CLDN14: variants seen among roughly 807,000 people sequenced by gnomAD.
The protein encoded by CLDN14 is claudin 14.
Under a neutral mutation model 2.1 loss-of-function variants are expected in CLDN14, and 2 were observed. That is an observed-to-expected ratio of 0.96 (90% CI 0.39 to 3.01). The LOEUF is 3.01. CLDN14 is among the 30% of genes most tolerant of loss of function. The probability of loss-of-function intolerance (pLI) is 0.09; values close to 1 mark genes in which losing one functional copy is unlikely to be tolerated. For synonymous variants in CLDN14, 136 were observed against 154.4 expected, an observed-to-expected ratio of 0.88 and a Z score of 0.88; for missense variants, 298 against 328.0, an observed-to-expected ratio of 0.91 and a Z score of 0.71.
chr21:36,516,115 G>A (rs947585802), intron 1 of CLDN14, among the ~76,000 whole-genome samples: 6 of 152,002 alleles, frequency 3.9e-5, no homozygotes, highest in Non-Finnish European at 8.8e-5. Flanking sequence ...TGCTCACCTG[G>A]GAATCAAAGT....
At chr21:36,543,279 C>T (rs1276111624) in intron 1 of CLDN14, among the ~76,000 whole-genome samples, 1 of 152,202 alleles carries the variant, frequency 6.6e-6, no homozygotes, top group East Asian at 1.9e-4. Context: ...CTACTATGTG[C>T]CAGCACTGTG....
intron 1 of CLDN14, among the ~76,000 whole-genome samples, chr21:36,473,344 C>T (rs1472598799): frequency 1.3e-5 from 2 of 152,106 alleles, no homozygotes; most frequent in Non-Finnish European, 2.9e-5. Flanking sequence ...ACCTTGGCCT[C>T]CCAAGGCTGT....
At chr21:36,485,852 CCT>C in intron 2 of CLDN14, 1 of 518,612 alleles carries the variant, frequency 1.9e-6, no homozygotes, top group Non-Finnish European at 3.4e-6. Context: ...GGTTCCATTT[CCT>C]TTTTTTTTTT....
chr21:36,461,731 C>T lies in CLDN14; in HGVS notation c.-36G>A, dbSNP rs1349768713. The T allele has an allele frequency of 3.9e-6, 6 of 1,543,078 alleles. No individual in the cohort carries two copies. The highest frequency in any genetic ancestry group is 5.2e-6 in the Non-Finnish European group (6 of 1,145,514). ...CCTGCCTAGGCCAGCCGGGCAGCTCCCTGGGCCCTCGGGGTCACGCCGCTC... is the reference window on the plus strand; with the variant it reads ...CCTGCCTAGGCCAGCCGGGCAGCTCTCTGGGCCCTCGGGGTCACGCCGCTC... On this transcript the variant is annotated 5_prime_UTR_variant, in exon 2 of 2. Coordinates refer to ENST00000399135, the MANE Select transcript of CLDN14 (RefSeq NM_001146079.2).
Position 36,551,152 on chromosome 21 carries a change from G to A in CLDN14, c.-220+25259C>T, listed in dbSNP as rs765216349. The stretch of plus-strand genomic sequence containing the variant: ...AGAAGGAACCAGCCCTTCCTACCCC[G>A]CAATTTCGGACTTCCTGTTCCCAGA... On this transcript the variant is annotated intron_variant, in intron 1 of 2. Coordinates refer to the CLDN14 transcript ENST00000342108. This position sits in a 1 kb window ranked among gnomAD's most constrained non-coding sequence, Gnocchi z 4.8. Among the ~76,000 whole-genome samples, 6 of 152,304 alleles carry A rather than the reference G, an allele frequency of 3.9e-5. No individual in the cohort carries two copies. The highest frequency in any genetic ancestry group is 7.2e-5 in the African/African-American group (3 of 41,556).
At chr21:36,486,186 T>C (rs761413190) in intron 2 of CLDN14, 1 of 1,055,336 alleles carries the variant, frequency 9.5e-7, no homozygotes, top group Non-Finnish European at 1.5e-6. Context: ...ATGGCTGAGC[T>C]GGCATCAATG....
At chr21:36,461,831 T>C (rs1165310010) in intron 1 of CLDN14, 55 bp from the exon 2 acceptor site, 1 of 1,199,412 alleles carries the variant, frequency 8.3e-7, no homozygotes, top group Non-Finnish European at 1.2e-6. Flanking sequence ...GGTTAAAGAT[T>C]ATCTCATGCA....
chr21:36,565,264 C>T (rs1263617133), intron 1 of CLDN14, among the ~76,000 whole-genome samples: 1 of 152,160 alleles, frequency 6.6e-6, no homozygotes, highest in Admixed American at 6.5e-5. Flanking sequence ...TGTCTCTCAG[C>T]CCAGCCCTTG....
chr21:36,486,760 A>C (rs1278829506), intron 2 of CLDN14: 2 of 881,116 alleles, frequency 2.3e-6, no homozygotes, highest in South Asian at 1.4e-5. Context: ...TGGGCTTCCC[A>C]CGAAGGCAAT....
At chr21:36,546,203 C>T (rs1051938766) in intron 1 of CLDN14, among the ~76,000 whole-genome samples, 3 of 152,146 alleles carry the variant, frequency 2.0e-5, no homozygotes, top group Non-Finnish European at 4.4e-5. Context: ...GCATGTTAGT[C>T]TTATCTTATT....
chr21:36,492,520 T>C (rs1454723267), intron 2 of CLDN14, among the ~76,000 whole-genome samples: 2 of 150,926 alleles, frequency 1.3e-5, no homozygotes, highest in East Asian at 1.9e-4. Context: ...TCCCAGCTAC[T>C]TGGGAGGCTG....
intron 1 of CLDN14, among the ~76,000 whole-genome samples, chr21:36,547,410 GT>G (rs545541654): frequency 1.0e-3 from 155 of 152,226 alleles, no homozygotes; most frequent in African/African-American, 3.4e-3. Flanking sequence ...TGAAAATAAA[GT>G]TTTTATTTTA....
intron 1 of CLDN14, among the ~76,000 whole-genome samples, chr21:36,475,717 C>T (rs936516879): frequency 3.9e-5 from 6 of 152,074 alleles, no homozygotes; most frequent in Non-Finnish European, 8.8e-5. Flanking sequence ...CACCCAGCCC[C>T]GCTGGCTTCA....
Position 36,490,385 on chromosome 21 carries a change from A to ATTTTT in CLDN14, c.-82+19973_-82+19977dup, listed in dbSNP as rs71198817. ...TGTCTGCTAGTTCAATTTTTTTTTAATTTTTTTTTTTTTTTTTTTTTGTGA... is the reference window on the plus strand; with the variant it reads ...TGTCTGCTAGTTCAATTTTTTTTTAATTTTTTTTTTTTTTTTTTTTTTTTTTGTGA... On this transcript the variant is annotated intron_variant, in intron 2 of 2. Coordinates refer to the CLDN14 transcript ENST00000342108. Among the ~76,000 whole-genome samples, 1,654 of 102,000 alleles carry ATTTTT rather than the reference A, an allele frequency of 0.016. 96 individuals are homozygous for ATTTTT. In the East Asian group the frequency reaches 0.2, roughly 12 times the overall value. 66.9% of individuals were successfully genotyped at this position (102,000 alleles called of 152,430 possible).
chr21:36,495,577 C>T (rs932486358), intron 2 of CLDN14, among the ~76,000 whole-genome samples: 2 of 152,224 alleles, frequency 1.3e-5, no homozygotes, highest in African/African-American at 4.8e-5. Flanking sequence ...CATGCACATT[C>T]GATCAATGCA....
chr21:36,564,681 T>C (rs924940127), intron 1 of CLDN14, among the ~76,000 whole-genome samples: 2 of 152,200 alleles, frequency 1.3e-5, no homozygotes, highest in African/African-American at 2.4e-5. Flanking sequence ...CCCATGAGTA[T>C]GTTATGTTAC....
At chr21:36,565,938 C>A (rs1236267204) in intron 1 of CLDN14, among the ~76,000 whole-genome samples, 4 of 152,198 alleles carry the variant, frequency 2.6e-5, no homozygotes, top group Non-Finnish European at 5.9e-5. Flanking sequence ...CCAGATGGTA[C>A]TTTCTATAAA....
intron 2 of CLDN14, among the ~76,000 whole-genome samples, chr21:36,500,701 G>A (rs1291273011): frequency 1.3e-5 from 2 of 152,162 alleles, no homozygotes; most frequent in African/African-American, 2.4e-5. Context: ...CAAAGTGCTG[G>A]GATTATAGGC....
intron 1 of CLDN14, among the ~76,000 whole-genome samples, chr21:36,518,690 G>A (rs928040291): frequency 6.6e-6 from 1 of 152,076 alleles, no homozygotes; most frequent in Admixed American, 6.5e-5. Flanking sequence ...TTGAACAAAT[G>A]TGTATTGAAC....
Sources: gnomAD v4.1 joint callset for allele counts (sites outside exome capture counted in the v4.1 genomes callset) on GRCh38, gnomAD v4.1.1 for gene constraint, Gnocchi (gnomAD v3.1) non-coding constraint, MANE v1.5 for transcripts, NCBI Gene and HGNC (gene_info 2026-07-23, HGNC 2026-07-21) for gene names.